The following GABRB2 variants were observed in gnomAD, a reference collection of about 807,000 sequenced individuals.
GABRB2 encodes the protein gamma-aminobutyric acid type A receptor subunit beta2, also known as gamma-aminobutyric acid receptor subunit beta-2.
GABRB2 carries 16 observed loss-of-function variants against 54.7 expected under a neutral mutation model. The ratio of observed to expected loss-of-function variants is 0.29; its 90% CI spans 0.20 to 0.44. GABRB2 has a LOEUF of 0.44. Among genes scored for constraint, GABRB2 ranks in the 20% least tolerant of loss-of-function variants. GABRB2 has a pLI of 1.00. For missense variants in GABRB2, 355 were observed against 644.0 expected (o/e 0.55, Z 4.86); for synonymous variants, 244 against 233.8 (o/e 1.04, Z -0.40).
At chr5:161,300,034 T>A (rs926512467) in intron 9 of GABRB2, among the ~76,000 whole-genome samples, 1 of 152,206 alleles carries the variant, frequency 6.6e-6, no homozygotes, top group African/African-American at 2.4e-5. Flanking sequence ...ACTGGCATCA[T>A]TTCCCTTTCT....
At chr5:161,365,696 T>G (rs1445619840) in intron 5 of GABRB2, among the ~76,000 whole-genome samples, 3 of 152,124 alleles carry the variant, frequency 2.0e-5, no homozygotes, top group Non-Finnish European at 2.9e-5. Context: ...TCCAATCAAC[T>G]AGTAAGCAGC....
chr5:161,439,649 A>G (rs972824339), intron 4 of GABRB2, among the ~76,000 whole-genome samples: 2 of 152,236 alleles, frequency 1.3e-5, no homozygotes, highest in East Asian at 3.8e-4. Flanking sequence ...CAAAAAGTTT[A>G]AAAGTAGGGG....
chr5:161,406,335 G>A (rs558058460), intron 5 of GABRB2, among the ~76,000 whole-genome samples: 30 of 152,082 alleles, frequency 2.0e-4, no homozygotes, highest in African/African-American at 7.2e-4. Context: ...TGAGGAAGTA[G>A]ATAGCACTAC....
chr5:161,454,131 A>G (rs1371454707), intron 4 of GABRB2, among the ~76,000 whole-genome samples: 1 of 152,114 alleles, frequency 6.6e-6, no homozygotes. Context: ...ATAAGACATG[A>G]TGAGAAGAAA....
chr5:161,504,833 G>A (rs1442678431), intron 3 of GABRB2, among the ~76,000 whole-genome samples: 3 of 147,142 alleles, frequency 2.0e-5, no homozygotes, highest in Non-Finnish European at 4.5e-5. Context: ...AACTTTCCAT[G>A]AACATTTTAG....
intron 5 of GABRB2, among the ~76,000 whole-genome samples, chr5:161,404,710 A>T (rs2113093399): frequency 6.6e-6 from 1 of 152,286 alleles, no homozygotes; most frequent in South Asian, 2.1e-4. Flanking sequence ...AGCAAAACAC[A>T]TACGCTGTTC....
At chr5:161,393,288 C>T (rs1374104234) in intron 5 of GABRB2, among the ~76,000 whole-genome samples, 1 of 99,906 alleles carries the variant, frequency 1.0e-5, no homozygotes, top group Non-Finnish European at 1.8e-5. Flanking sequence ...TTTTATAACT[C>T]TTTAAAAATG....
chr5:161,478,432 T>C (rs893717890), intron 3 of GABRB2, among the ~76,000 whole-genome samples: 1 of 152,088 alleles, frequency 6.6e-6, no homozygotes, highest in African/African-American at 2.4e-5. Context: ...AAATGATCTT[T>C]GAAATCTGTG....
chr5:161,414,498 C>A (rs1204788276), intron 4 of GABRB2, among the ~76,000 whole-genome samples: 2 of 152,070 alleles, frequency 1.3e-5, no homozygotes, highest in East Asian at 3.9e-4. Context: ...ACATTATAAA[C>A]AAGGCAGAGA....
At chr5:161,542,413 T>C (rs564418827) in intron 3 of GABRB2, among the ~76,000 whole-genome samples, 3 of 152,330 alleles carry the variant, frequency 2.0e-5, no homozygotes, top group South Asian at 4.1e-4. Flanking sequence ...AAACAAGGTA[T>C]ATCTATATTC....
chr5:161,519,637 C>A (rs964396624), intron 3 of GABRB2, among the ~76,000 whole-genome samples: 1 of 152,048 alleles, frequency 6.6e-6, no homozygotes, highest in Non-Finnish European at 1.5e-5. Context: ...AGCATAAAAA[C>A]TATCAATAAA....
intron 5 of GABRB2, among the ~76,000 whole-genome samples, chr5:161,344,658 C>T (rs1014756067): frequency 1.3e-5 from 2 of 151,898 alleles, no homozygotes; most frequent in African/African-American, 2.4e-5. Flanking sequence ...GGATCTACAA[C>T]CAGACATACC....
At chr5:161,429,344 T>TTAAAAAAAAAAAAAA (rs1561646864) in intron 4 of GABRB2, among the ~76,000 whole-genome samples, 1 of 228 alleles carries the variant, frequency 4.4e-3, no homozygotes, top group Non-Finnish European at 0.01. Flanking sequence ...AGAATCCGTC[T>TTAAAAAAAAAAAAAA]CAAAAAAAAA....
intron 5 of GABRB2, among the ~76,000 whole-genome samples, chr5:161,341,233 A>G (rs1275681045): frequency 6.6e-6 from 1 of 151,980 alleles, no homozygotes; most frequent in East Asian, 1.9e-4. Context: ...GTGATTAAAA[A>G]CTAAAAGAAA....
intron 5 of GABRB2, among the ~76,000 whole-genome samples, chr5:161,357,712 G>T (rs999303598): frequency 2.0e-5 from 3 of 151,980 alleles, no homozygotes; most frequent in African/African-American, 7.2e-5. Flanking sequence ...GATGAGAAAT[G>T]ATGGAATTTT....
chr5:161,384,739 A>G (rs56911790), intron 5 of GABRB2, among the ~76,000 whole-genome samples: 146 of 152,250 alleles, frequency 9.6e-4, no homozygotes, highest in African/African-American at 3.5e-3. Context: ...AAATGTGAGT[A>G]TTTATCCAAT....
chr5:161,364,906 TTTAA>T (rs1754930844), intron 5 of GABRB2, among the ~76,000 whole-genome samples: 2 of 152,158 alleles, frequency 1.3e-5, no homozygotes, highest in African/African-American at 4.8e-5. Context: ...TTTAAAATAC[TTTAA>T]TTAAGAAATT....
At chr5:161,410,910 T>G (rs192247052) in intron 5 of GABRB2, 65 bp downstream of exon 5, 1 of 1,230,384 alleles carries the variant, frequency 8.1e-7, no homozygotes, top group African/African-American at 1.5e-5. Context: ...GAGCCAGGAC[T>G]GGAGGCCTCT....
intron 3 of GABRB2, among the ~76,000 whole-genome samples, chr5:161,465,353 G>A (rs1054176702): frequency 2.0e-5 from 3 of 152,046 alleles, no homozygotes; most frequent in African/African-American, 7.2e-5. Context: ...CACCATAATG[G>A]TTATAGGCTC....
Sources: gnomAD v4.1 joint callset for allele counts (sites outside exome capture counted in the v4.1 genomes callset) on GRCh38, gnomAD v4.1.1 for gene constraint, MANE v1.5 for transcripts, NCBI Gene and HGNC (gene_info 2026-07-23, HGNC 2026-07-21) for gene names.